Variants in NAALADL2 observed in about 807,000 individuals in gnomAD.
The protein encoded by NAALADL2 is inactive N-acetylated-alpha-linked acidic dipeptidase-like protein 2.
Under a neutral mutation model 87.2 loss-of-function variants are expected in NAALADL2, and 76 were observed. The observed-to-expected ratio is 0.87, with a 90% CI of 0.72 to 1.05. The LOEUF (loss-of-function observed/expected upper bound fraction) is 1.05, where lower values mean the gene tolerates loss of function less well. NAALADL2 is among the 50% of genes least tolerant of loss of function. The pLI is 0.00. For synonymous variants in NAALADL2, 354 were observed against 331.0 expected, an observed-to-expected ratio of 1.07 and a Z score of -0.75; for missense variants, 1,089 against 945.8, an observed-to-expected ratio of 1.15 and a Z score of -1.99.
In NAALADL2 at chr3:175,377,518, AT is replaced by A. The variant is rs1767281835; in HGVS notation, c.1090+53195del. Among the ~76,000 whole-genome samples, 3 of 152,152 alleles carry A rather than the reference AT, an allele frequency of 2.0e-5. No homozygotes were observed. The South Asian group carries it at 6.2e-4, about 32-fold the overall frequency. On this transcript the variant is annotated intron_variant, in intron 5 of 13. Transcript: ENST00000454872. Reference sequence around the variant, plus strand: ...TGGCTGCACATACAGATTTTGTCTCATTCCTTTAATGTTATTGATGGGGACG... The same window carrying A: ...TGGCTGCACATACAGATTTTGTCTCATCCTTTAATGTTATTGATGGGGACG...
chr3:175,097,997 G>A (rs959486873), intron 2 of NAALADL2, among the ~76,000 whole-genome samples: 3 of 152,146 alleles, frequency 2.0e-5, no homozygotes, highest in Admixed American at 6.5e-5. Context: ...GATGTTGGCA[G>A]GTGTGCATTT....
At chr3:175,174,672 A>G (rs537472792) in intron 2 of NAALADL2, among the ~76,000 whole-genome samples, 7 of 152,198 alleles carry the variant, frequency 4.6e-5, no homozygotes, top group South Asian at 2.1e-4. Flanking sequence ...TAGAAAAAAT[A>G]AAAGTTCATA....
intron 2 of NAALADL2, among the ~76,000 whole-genome samples, chr3:174,635,358 G>A (rs1722526877): frequency 6.6e-6 from 1 of 152,068 alleles, no homozygotes; most frequent in Non-Finnish European, 1.5e-5. Context: ...AAAGTGCCTT[G>A]ATAATAGTTA....
At chr3:175,016,451 T>C (rs1560479949) in intron 1 of NAALADL2, among the ~76,000 whole-genome samples, 1 of 151,310 alleles carries the variant, frequency 6.6e-6, no homozygotes. Flanking sequence ...AAGATTCCAG[T>C]TTTTTATATG....
chr3:174,449,992 A>T (rs1278716626), intron 1 of NAALADL2, among the ~76,000 whole-genome samples: 1 of 150,342 alleles, frequency 6.7e-6, no homozygotes, highest in Non-Finnish European at 1.5e-5. Context: ...ATATATATAC[A>T]CACACATATA....
At chr3:175,780,954 A>G (rs1750973132) in intron 13 of NAALADL2, among the ~76,000 whole-genome samples, 1 of 152,144 alleles carries the variant, frequency 6.6e-6, no homozygotes, top group African/African-American at 2.4e-5. Context: ...ATTTATTTTC[A>G]AAAGGCACAT....
intron 11 of NAALADL2, chr3:175,718,623 G>A (rs771142238): frequency 2.5e-6 from 4 of 1,592,574 alleles, no homozygotes; most frequent in East Asian, 2.2e-5. Flanking sequence ...TCCAACAGTC[G>A]GAAATTGCGA....
At chr3:175,185,587 A>G (rs561153091) in intron 2 of NAALADL2, among the ~76,000 whole-genome samples, 2 of 151,974 alleles carry the variant, frequency 1.3e-5, no homozygotes, top group South Asian at 4.1e-4. Context: ...GCATAAAAGC[A>G]TAAATCCATG....
Position 175,031,965 on chromosome 3 carries a change from T to C in NAALADL2, c.44-64825T>C, listed in dbSNP as rs532132400. Reference sequence around the variant, plus strand: ...TTGCCCAGTTTTTAATGGGGTTATTTGTTTTTTCTTATTAATGTGTTTAAG... The same window carrying C: ...TTGCCCAGTTTTTAATGGGGTTATTCGTTTTTTCTTATTAATGTGTTTAAG... On this transcript the variant is annotated intron_variant, in intron 1 of 13. Coordinates refer to ENST00000454872, the MANE Select transcript of NAALADL2 (RefSeq NM_207015.3). Among the ~76,000 whole-genome samples the C allele has an allele frequency of 2.0e-5, 3 of 152,186 alleles. No homozygotes were observed. In the South Asian group the frequency reaches 6.2e-4, roughly 32 times the overall value.
chr3:175,313,417 A>G (rs762823398), intron 4 of NAALADL2, among the ~76,000 whole-genome samples: 22 of 152,244 alleles, frequency 1.4e-4, no homozygotes, highest in Non-Finnish European at 2.8e-4. Flanking sequence ...CCAGGTGGAC[A>G]TTCCTTGTGC....
At chr3:174,959,812 T>A (rs1168248321) in intron 1 of NAALADL2, among the ~76,000 whole-genome samples, 1 of 152,096 alleles carries the variant, frequency 6.6e-6, no homozygotes, top group African/African-American at 2.4e-5. Flanking sequence ...TTAGATTATG[T>A]CATTTTAATA....
intron 2 of NAALADL2, among the ~76,000 whole-genome samples, chr3:174,674,208 A>G (rs1726832174): frequency 6.6e-6 from 1 of 151,950 alleles, no homozygotes; most frequent in African/African-American, 2.4e-5. Flanking sequence ...TTAAACAACC[A>G]AATCTCATGC....
At chr3:175,553,046 T>A (rs767034120) in intron 9 of NAALADL2, among the ~76,000 whole-genome samples, 1 of 152,178 alleles carries the variant, frequency 6.6e-6, no homozygotes, top group African/African-American at 2.4e-5. Flanking sequence ...TTCAGTATAC[T>A]CAGTGTACAA....
intron 2 of NAALADL2, among the ~76,000 whole-genome samples, chr3:175,166,006 A>G (rs999412626): frequency 2.0e-5 from 3 of 150,626 alleles, no homozygotes; most frequent in Admixed American, 6.6e-5. Flanking sequence ...GGCTTCTTCA[A>G]TATCACCATC....
chr3:175,283,427 G>T (rs1018381744), intron 4 of NAALADL2, among the ~76,000 whole-genome samples: 1 of 151,930 alleles, frequency 6.6e-6, no homozygotes, highest in Non-Finnish European at 1.5e-5. Context: ...AAATGTTTTT[G>T]TTCTGTTAGC....
intron 1 of NAALADL2, among the ~76,000 whole-genome samples, chr3:175,032,092 T>G (rs548373215): frequency 7.2e-5 from 11 of 152,192 alleles, no homozygotes; most frequent in African/African-American, 2.6e-4. Flanking sequence ...TAGTTTCTTT[T>G]GGTGTGCAGA....
intron 1 of NAALADL2, among the ~76,000 whole-genome samples, chr3:174,907,389 T>G (rs891143827): frequency 3.3e-5 from 5 of 152,128 alleles, no homozygotes; most frequent in African/African-American, 1.2e-4. Context: ...TACTGGGTGG[T>G]TGAAGATGCT....
chr3:174,708,077 A>T (rs1023638593), intron 2 of NAALADL2, among the ~76,000 whole-genome samples: 29 of 152,296 alleles, frequency 1.9e-4, no homozygotes, highest in African/African-American at 6.7e-4. Flanking sequence ...CCATAATCTA[A>T]GGAACCATAG....
chr3:175,279,527 A>C (rs1037854484), intron 4 of NAALADL2, among the ~76,000 whole-genome samples: 7 of 151,982 alleles, frequency 4.6e-5, no homozygotes, highest in African/African-American at 1.4e-4. Context: ...TAAAACACAT[A>C]GTAAATCTGT....
Sources: gnomAD v4.1 joint callset for allele counts (sites outside exome capture counted in the v4.1 genomes callset) on GRCh38, gnomAD v4.1.1 for gene constraint, MANE v1.5 for transcripts, NCBI Gene and HGNC (gene_info 2026-07-23, HGNC 2026-07-21) for gene names.